Variants in SOX5 observed in about 807,000 individuals in gnomAD.
SOX5 encodes SRY-box transcription factor 5.
Under a neutral mutation model 92.0 loss-of-function variants are expected in SOX5, and 9 were observed. The ratio of observed to expected loss-of-function variants is 0.10; its 90% CI spans 0.06 to 0.17. The LOEUF is 0.17. Among genes scored for constraint, SOX5 ranks in the 10% least tolerant of loss-of-function variants. The pLI is 1.00. For missense variants in SOX5, 642 were observed against 944.5 expected (o/e 0.68, Z 4.20); for synonymous variants, 344 against 336.3 (o/e 1.02, Z -0.25).
intron 10 of SOX5, among the ~76,000 whole-genome samples, chr12:23,573,368 A>G: frequency 6.6e-6 from 1 of 152,144 alleles, no homozygotes. Flanking sequence ...CTTCTCTGTC[A>G]GTCTACCTGT....
intron 2 of SOX5, among the ~76,000 whole-genome samples, chr12:24,280,332 T>C (rs1032073998): frequency 1.3e-5 from 2 of 152,100 alleles, no homozygotes; most frequent in African/African-American, 4.8e-5. Flanking sequence ...AGAAACACAG[T>C]CAGGGAGGAG....
chr12:23,823,280 T>A (rs908754167), intron 3 of SOX5, among the ~76,000 whole-genome samples: 13 of 152,216 alleles, frequency 8.5e-5, no homozygotes, highest in African/African-American at 3.1e-4. Context: ...AATTTGTGCT[T>A]CCTTCAGGAG....
At chr12:23,709,717 G>GGTAT (rs1376222867) in intron 6 of SOX5, among the ~76,000 whole-genome samples, 1 of 152,054 alleles carries the variant, frequency 6.6e-6, no homozygotes, top group Non-Finnish European at 1.5e-5. Context: ...GGTTGTGTAT[G>GGTAT]GTATGTGTTT....
intron 1 of SOX5, among the ~76,000 whole-genome samples, chr12:24,430,543 C>A (rs539855227): frequency 6.6e-6 from 1 of 151,528 alleles, no homozygotes; most frequent in Non-Finnish European, 1.5e-5. Flanking sequence ...GAAAAGAAAC[C>A]ACACACACAC....
chr12:24,303,227 G>T (rs759850820), intron 2 of SOX5, among the ~76,000 whole-genome samples: 1 of 152,150 alleles, frequency 6.6e-6, no homozygotes, highest in Non-Finnish European at 1.5e-5. Context: ...CATTAAAAAT[G>T]AGTAAAATTC....
At chr12:23,732,582 G>C (rs1302982662) in intron 6 of SOX5, among the ~76,000 whole-genome samples, 1 of 152,148 alleles carries the variant, frequency 6.6e-6, no homozygotes, top group Non-Finnish European at 1.5e-5. Flanking sequence ...CTAGAAAGAA[G>C]ACAAACACAC....
rs557986892 is a variant in SOX5 at position 23,624,845 on chromosome 12, C to T, written c.1017+15967G>A. Among the ~76,000 whole-genome samples, 5 of 152,236 alleles carry T rather than the reference C, an allele frequency of 3.3e-5. No individual in the cohort carries two copies. The East Asian group carries it at 9.6e-4, about 29-fold the overall frequency. ...TACAAAACAAAAGATACAAATGCAACAAGATAAAAAGGATCTCACTCAACA... is the reference window on the plus strand; with the variant it reads ...TACAAAACAAAAGATACAAATGCAATAAGATAAAAAGGATCTCACTCAACA... On this transcript the variant is annotated intron_variant, in intron 8 of 14. Coordinates refer to ENST00000451604, the MANE Select transcript of SOX5 (RefSeq NM_006940.6).
chr12:24,447,174 G>T (rs1417244091), intron 1 of SOX5, among the ~76,000 whole-genome samples: 1 of 152,186 alleles, frequency 6.6e-6, no homozygotes, highest in African/African-American at 2.4e-5. Context: ...AGAACAAACA[G>T]TATGGAAAGG....
chr12:24,397,075 A>C (rs1960219842), intron 1 of SOX5, among the ~76,000 whole-genome samples: 1 of 152,188 alleles, frequency 6.6e-6, no homozygotes, highest in South Asian at 2.1e-4. Flanking sequence ...CATCCTGCTC[A>C]CTTTTGAGAA....
chr12:24,444,290 G>GTGTGTGTGTGTGTGTT (rs1419591662), intron 1 of SOX5, among the ~76,000 whole-genome samples: 6 of 152,016 alleles, frequency 3.9e-5, no homozygotes, highest in Non-Finnish European at 8.8e-5. Flanking sequence ...GTGTGTGTGT[G>GTGTGTGTGTGTGTGTT]TGTGTGTGTG....
At chr12:24,075,325 G>T (rs1942426485) in intron 4 of SOX5, among the ~76,000 whole-genome samples, 1 of 142,676 alleles carries the variant, frequency 7.0e-6, no homozygotes, top group Non-Finnish European at 1.5e-5. Flanking sequence ...TCAGAAACAG[G>T]ACCTGCAGGT....
chr12:24,427,871 G>A (rs541138282), intron 1 of SOX5, among the ~76,000 whole-genome samples: 1 of 152,202 alleles, frequency 6.6e-6, no homozygotes, highest in South Asian at 2.1e-4. Context: ...ACATCAGGGG[G>A]CAAATTAAAA....
chr12:23,952,021 C>T (rs929775906), upstream of SOX5, among the ~76,000 whole-genome samples: 1 of 152,058 alleles, frequency 6.6e-6, no homozygotes, highest in Non-Finnish European at 1.5e-5. Context: ...TATTTTTCTT[C>T]ATTTGTTAAT....
intron 4 of SOX5, among the ~76,000 whole-genome samples, chr12:24,000,927 T>G (rs1025774579): frequency 6.6e-6 from 1 of 152,188 alleles, no homozygotes. Context: ...AACAATATTA[T>G]CAAACATTTG....
intron 2 of SOX5, among the ~76,000 whole-genome samples, chr12:24,287,496 C>T (rs906449572): frequency 6.6e-6 from 1 of 151,496 alleles, no homozygotes. Flanking sequence ...ACCGTGCCTT[C>T]TGTCATGGCT....
At chr12:23,845,413 G>C (rs1383244929) in intron 3 of SOX5, among the ~76,000 whole-genome samples, 3 of 152,124 alleles carry the variant, frequency 2.0e-5, no homozygotes, top group African/African-American at 7.2e-5. Context: ...TCACCTGAAG[G>C]TTCCTATCAG....
intron 3 of SOX5, among the ~76,000 whole-genome samples, chr12:24,229,093 C>A (rs1476936474): frequency 1.3e-5 from 2 of 152,204 alleles, no homozygotes; most frequent in African/African-American, 4.8e-5. Flanking sequence ...ATCTGTAGTG[C>A]AGCCACACCA....
At chr12:24,341,959 A>G (rs1368639357) in intron 2 of SOX5, among the ~76,000 whole-genome samples, 1 of 152,154 alleles carries the variant, frequency 6.6e-6, no homozygotes, top group Non-Finnish European at 1.5e-5. Context: ...TCTCCATCTT[A>G]ACTAATCCCC....
chr12:23,770,665 T>G (rs1285961573), intron 3 of SOX5, among the ~76,000 whole-genome samples: 1 of 152,194 alleles, frequency 6.6e-6, no homozygotes, highest in Non-Finnish European at 1.5e-5. Context: ...CATAATTGAT[T>G]GCAGCTGGGA....
Sources: allele counts gnomAD v4.1 joint callset (sites outside exome capture counted in the v4.1 genomes callset), GRCh38; gene constraint gnomAD v4.1.1; transcripts MANE v1.5; gene names NCBI Gene and HGNC (gene_info 2026-07-23, HGNC 2026-07-21).